Variants in LRRC63 observed in about 807,000 individuals in gnomAD.
LRRC63 encodes leucine-rich repeat-containing protein 63.
A neutral mutation model predicts 49.5 loss-of-function variants in LRRC63; 40 were observed. That is an observed-to-expected ratio of 0.81 (90% confidence interval 0.63 to 1.05). LRRC63 has a LOEUF of 1.05. LRRC63 is among the 50% of genes least tolerant of loss of function. The probability of loss-of-function intolerance (pLI) is 0.00; values close to 1 mark genes in which losing one functional copy is unlikely to be tolerated. For missense variants in LRRC63, 636 were observed against 663.1 expected (o/e 0.96, Z 0.45); for synonymous variants, 191 against 221.1 (o/e 0.86, Z 1.21).
At chr13:46,268,452 C>T (rs917498923) in intron 9 of LRRC63, among the ~76,000 whole-genome samples, 1 of 152,078 alleles carries the variant, frequency 6.6e-6, no homozygotes, top group African/African-American at 2.4e-5. Flanking sequence ...CAGACATCAT[C>T]GGGAGCTCTA....
chr13:46,242,799 TA>T (rs1242395777), intron 5 of LRRC63, among the ~76,000 whole-genome samples: 7 of 150,870 alleles, frequency 4.6e-5, no homozygotes, highest in Non-Finnish European at 8.9e-5. Flanking sequence ...CTGAGACTAC[TA>T]TACCCATTAA....
chr13:46,231,054 C>T (rs2046740864), intron 4 of LRRC63, among the ~76,000 whole-genome samples: 1 of 152,146 alleles, frequency 6.6e-6, no homozygotes, highest in Non-Finnish European at 1.5e-5. Flanking sequence ...AATCTGAGAC[C>T]TTGGCAGCCT....
intron 9 of LRRC63, chr13:46,270,224 T>C (rs2047737671): frequency 4.6e-6 from 4 of 866,690 alleles, no homozygotes; most frequent in South Asian, 2.6e-5. Flanking sequence ...TGTCATCACA[T>C]TGGCAGAATC....
chr13:46,219,423 G>T (rs1459471166), intron 2 of LRRC63, among the ~76,000 whole-genome samples: 1 of 152,164 alleles, frequency 6.6e-6, no homozygotes, highest in Non-Finnish European at 1.5e-5. Flanking sequence ...GCTTCACGAA[G>T]TTCTTGTGCT....
chr13:46,270,457 T>C (rs1192070839), intron 9 of LRRC63: 3 of 785,558 alleles, frequency 3.8e-6, no homozygotes, highest in East Asian at 4.9e-5. Flanking sequence ...AAAAACATTC[T>C]CCATAAGCCA....
intron 5 of LRRC63, among the ~76,000 whole-genome samples, chr13:46,235,172 G>A (rs2046869303): frequency 1.3e-5 from 2 of 152,078 alleles, no homozygotes; most frequent in South Asian, 2.1e-4. Context: ...TAAATGGCCT[G>A]GCTAAGCATT....
intron 5 of LRRC63, among the ~76,000 whole-genome samples, chr13:46,238,123 A>T (rs1019931849): frequency 2.0e-5 from 3 of 152,212 alleles, no homozygotes; most frequent in Non-Finnish European, 2.9e-5. Flanking sequence ...ATATATATGC[A>T]CCCAATAGAG....
At chr13:46,271,737 A>AC (rs1555330210) in intron 9 of LRRC63, among the ~76,000 whole-genome samples, 2 of 150,724 alleles carry the variant, frequency 1.3e-5, no homozygotes, top group African/African-American at 4.9e-5. Flanking sequence ...AAAAAAAAAA[A>AC]CTCCAACAAC....
intron 9 of LRRC63, chr13:46,270,278 T>C: frequency 4.7e-6 from 4 of 854,908 alleles, no homozygotes; most frequent in Non-Finnish European, 6.1e-6. Context: ...AAGCATTCCC[T>C]GTCAGATCAG....
chr13:46,256,903 T>A (rs900452366), intron 7 of LRRC63, among the ~76,000 whole-genome samples: 1 of 152,200 alleles, frequency 6.6e-6, no homozygotes, highest in Non-Finnish European at 1.5e-5. Context: ...CCCAAAGATG[T>A]TCATATTCTA....
chr13:46,273,299 C>G (rs1010570192), intron 9 of LRRC63, among the ~76,000 whole-genome samples: 1 of 152,044 alleles, frequency 6.6e-6, no homozygotes, highest in Non-Finnish European at 1.5e-5. Context: ...TCAGCCAGAA[C>G]AAAACATCCA....
chr13:46,214,672 T>G (rs2046195847), intron 2 of LRRC63, among the ~76,000 whole-genome samples: 1 of 151,820 alleles, frequency 6.6e-6, no homozygotes, highest in African/African-American at 2.4e-5. Context: ...GCAGGATACA[T>G]GCACAGAACG....
intron 7 of LRRC63, among the ~76,000 whole-genome samples, chr13:46,252,881 G>T (rs781545761): frequency 6.6e-6 from 1 of 152,062 alleles, no homozygotes; most frequent in Non-Finnish European, 1.5e-5. Context: ...GCAGGGACCA[G>T]ATTATCTAGG....
intron 5 of LRRC63, among the ~76,000 whole-genome samples, chr13:46,243,264 A>T (rs1395481778): frequency 6.6e-6 from 1 of 152,166 alleles, no homozygotes; most frequent in East Asian, 1.9e-4. Flanking sequence ...GCCTATTATA[A>T]CATGTTTTTT....
Position 46,228,752 on chromosome 13 carries a change from C to A in LRRC63, c.832+19C>A, listed in dbSNP as rs138105770. The A allele has an allele frequency of 8.8e-6, 13 of 1,469,026 alleles. No homozygotes were observed. Among genetic ancestry groups the A allele is most frequent in the East Asian group, 7.4e-5 (3 of 40,468 alleles). 91.0% of individuals were successfully genotyped at this position (1,469,026 alleles called of 1,614,324 possible). On this transcript the variant is annotated intron_variant, in intron 4 of 9. Coordinates refer to ENST00000595396, the Ensembl canonical transcript of LRRC63. ...CCTGAAGGTAAATGCTAGATTTATACAATTCTTTTAGAAAATGTATGTAAG... is the reference window on the plus strand; with the variant it reads ...CCTGAAGGTAAATGCTAGATTTATAAAATTCTTTTAGAAAATGTATGTAAG...
At chr13:46,227,950 A>G (rs773820215) in exon 3 of LRRC63, 1 of 1,550,704 alleles carries the variant, frequency 6.4e-7, no homozygotes, top group South Asian at 1.2e-5. Context: ...GAGAAAATGC[A>G]CCCTAAGCAT....
At chr13:46,250,221 G>A (rs183048934) in intron 6 of LRRC63, 134 bp from the exon 7 acceptor site, 505 of 744,422 alleles carry the variant, frequency 6.8e-4, no homozygotes, top group Non-Finnish European at 9.3e-4. Context: ...GGTGTTTACT[G>A]AGTTACATGA....
chr13:46,243,566 A>T (rs1049516540), intron 5 of LRRC63, among the ~76,000 whole-genome samples: 12 of 152,220 alleles, frequency 7.9e-5, no homozygotes, highest in South Asian at 2.1e-4. Flanking sequence ...ATGGACAAAG[A>T]TATTCCACGT....
At chr13:46,276,516 T>C in intron 9 of LRRC63, 74 bp from the exon 10 acceptor site, 1 of 668,374 alleles carries the variant, frequency 1.5e-6, no homozygotes, top group African/African-American at 1.9e-5. Context: ...TTTTATACTA[T>C]TTGGAGTCTT....
Sources: gnomAD v4.1 joint callset for allele counts (sites outside exome capture counted in the v4.1 genomes callset) on GRCh38, gnomAD v4.1.1 for gene constraint, MANE v1.5 for transcripts, NCBI Gene and HGNC (gene_info 2026-07-23, HGNC 2026-07-21) for gene names.